The following SNTB1 variants were observed in gnomAD, a reference collection of about 807,000 sequenced individuals.
SNTB1 encodes the protein beta-1-syntrophin.
In SNTB1, 36 loss-of-function variants were observed where a neutral mutation model predicts 48.9. The ratio of observed to expected loss-of-function variants is 0.74; its 90% confidence interval spans 0.56 to 0.97. The LOEUF (loss-of-function observed/expected upper bound fraction) is 0.97. SNTB1 is among the 50% of genes least tolerant of loss of function. The probability of loss-of-function intolerance (pLI) is 0.00; values close to 1 mark genes in which losing one functional copy is unlikely to be tolerated. For synonymous variants in SNTB1, 299 were observed against 294.6 expected (o/e 1.01, Z -0.15); for missense variants, 786 against 703.4 (o/e 1.12, Z -1.33).
At chr8:120,680,738 G>A (rs776070118) in intron 2 of SNTB1, among the ~76,000 whole-genome samples, 20 of 152,200 alleles carry the variant, frequency 1.3e-4, no homozygotes, top group African/African-American at 4.8e-4. Flanking sequence ...GCAGCTTTTT[G>A]CAAACAAAAT....
chr8:120,640,948 T>C (rs1447214435), intron 2 of SNTB1, among the ~76,000 whole-genome samples: 1 of 152,186 alleles, frequency 6.6e-6, no homozygotes, highest in African/African-American at 2.4e-5. Context: ...TCAGAAGGAA[T>C]GGTACCAACT....
intron 2 of SNTB1, chr8:120,654,981 A>C (rs1817474670): frequency 6.6e-6 from 3 of 456,172 alleles, no homozygotes; most frequent in Middle Eastern, 6.5e-4. Context: ...GAGAATTCAA[A>C]CCACATGGTC....
intron 4 of SNTB1, among the ~76,000 whole-genome samples, chr8:120,553,935 T>C (rs559622760): frequency 6.6e-6 from 1 of 152,160 alleles, no homozygotes; most frequent in South Asian, 2.1e-4. Flanking sequence ...GAGGCAGAGG[T>C]TGCAGTGAGT....
At chr8:120,637,684 G>T in intron 2 of SNTB1, 2 of 396,754 alleles carry the variant, frequency 5.0e-6, no homozygotes, top group South Asian at 4.1e-5. Flanking sequence ...AAAATTCTAT[G>T]ATCCCATTCA....
intron 2 of SNTB1, among the ~76,000 whole-genome samples, chr8:120,676,326 T>A (rs951429539): frequency 6.6e-6 from 1 of 152,250 alleles, no homozygotes; most frequent in Non-Finnish European, 1.5e-5. Context: ...CAAGAAGTTA[T>A]GCACTTGAGA....
intron 5 of SNTB1, among the ~76,000 whole-genome samples, chr8:120,544,278 A>G (rs1211224928): frequency 6.6e-6 from 1 of 152,156 alleles, no homozygotes; most frequent in Non-Finnish European, 1.5e-5. Flanking sequence ...TCTGACCTCA[A>G]ATACTCTGGT....
intron 1 of SNTB1, among the ~76,000 whole-genome samples, chr8:120,738,661 A>T (rs1818992411): frequency 6.6e-6 from 1 of 151,780 alleles, no homozygotes; most frequent in Admixed American, 6.6e-5. Context: ...CTGTTACTGG[A>T]GGTTATCAAC....
At chr8:120,580,323 A>G (rs1816024676) in intron 3 of SNTB1, among the ~76,000 whole-genome samples, 1 of 152,222 alleles carries the variant, frequency 6.6e-6, no homozygotes, top group South Asian at 2.1e-4. Context: ...TGGCTTTGCC[A>G]CTTCCCAGCT....
At chr8:120,787,867 A>G (rs1242879606) in intron 1 of SNTB1, among the ~76,000 whole-genome samples, 1 of 152,180 alleles carries the variant, frequency 6.6e-6, no homozygotes, top group African/African-American at 2.4e-5. Context: ...CAAATAAAAG[A>G]TGATCAAATA....
rs527757352 is a variant in SNTB1 at position 120,692,296 on chromosome 8, T to C, written c.788+1396A>G. Among the ~76,000 whole-genome samples, 137 of 152,248 alleles carry C rather than the reference T, an allele frequency of 9.0e-4. 1 individual carries two copies. Among genetic ancestry groups the C allele is most frequent in the African/African-American group, 3.1e-3 (127 of 41,542 alleles). ...ACTTTCTCCCTGCCCCTATTCCCGA[T>C]GGCTTTTCCCCATGAGCAACTCTGA... On this transcript the variant is annotated intron_variant, in intron 2 of 6. Coordinates refer to ENST00000517992, the MANE Select transcript of SNTB1 (RefSeq NM_021021.4).
At chr8:120,560,643 GTCAATTCCTGACTAT>G (rs1228727592) in intron 4 of SNTB1, among the ~76,000 whole-genome samples, 1 of 152,186 alleles carries the variant, frequency 6.6e-6, no homozygotes, top group East Asian at 1.9e-4. Context: ...ACAGCTTGGA[GTCAATTCCTGACTAT>G]TCAGTGGCAT....
At chr8:120,642,491 T>G (rs1174218530) in intron 2 of SNTB1, among the ~76,000 whole-genome samples, 1 of 152,206 alleles carries the variant, frequency 6.6e-6, no homozygotes, top group Non-Finnish European at 1.5e-5. Flanking sequence ...TCTCTGAGGC[T>G]AAGCTGGAGC....
intron 1 of SNTB1, among the ~76,000 whole-genome samples, chr8:120,793,168 C>A (rs970163489): frequency 4.0e-5 from 6 of 151,814 alleles, no homozygotes; most frequent in African/African-American, 1.5e-4. Flanking sequence ...TGAAGCAATA[C>A]CTTGCTGGGT....
intron 3 of SNTB1, among the ~76,000 whole-genome samples, chr8:120,603,288 T>TG (rs1206148032): frequency 6.6e-6 from 1 of 152,022 alleles, no homozygotes; most frequent in Non-Finnish European, 1.5e-5. Context: ...CTGGTAGAGA[T>TG]GGGGTTTCCC....
At chr8:120,611,959 A>G (rs1214569980) in intron 3 of SNTB1, among the ~76,000 whole-genome samples, 7 of 152,066 alleles carry the variant, frequency 4.6e-5, no homozygotes, top group African/African-American at 1.7e-4. Flanking sequence ...CACCTACTTC[A>G]AGATCGGCTC....
chr8:120,626,432 AT>A (rs1317520787), intron 3 of SNTB1, among the ~76,000 whole-genome samples: 1 of 152,142 alleles, frequency 6.6e-6, no homozygotes, highest in African/African-American at 2.4e-5. Flanking sequence ...GACCTTTAAA[AT>A]TTTTTATCAA....
At chr8:120,722,786 C>T (rs544085368) in intron 1 of SNTB1, among the ~76,000 whole-genome samples, 152 of 152,218 alleles carry the variant, frequency 1.0e-3, no homozygotes, top group African/African-American at 3.5e-3. Flanking sequence ...GTTGCCATTG[C>T]TTTTGGTGTT....
intron 4 of SNTB1, among the ~76,000 whole-genome samples, chr8:120,558,889 T>C (rs1477461553): frequency 2.0e-5 from 3 of 152,262 alleles, no homozygotes. Flanking sequence ...TAGAAATTTT[T>C]ATTTGATTAT....
chr8:120,578,464 A>G (rs1030095934), intron 3 of SNTB1, among the ~76,000 whole-genome samples: 1 of 152,146 alleles, frequency 6.6e-6, no homozygotes, highest in African/African-American at 2.4e-5. Context: ...TGAATACGAC[A>G]GTTTTGGAGA....
Sources: gnomAD v4.1 joint callset for allele counts (sites outside exome capture counted in the v4.1 genomes callset) on GRCh38, gnomAD v4.1.1 for gene constraint, MANE v1.5 for transcripts, NCBI Gene and HGNC (gene_info 2026-07-23, HGNC 2026-07-21) for gene names.